The following ASIC4 variants were observed in gnomAD, a reference collection of about 807,000 sequenced individuals.
ASIC4 encodes acid sensing ion channel subunit family member 4.
ASIC4 carries 28 observed loss-of-function variants against 53.4 expected under a neutral mutation model. The observed-to-expected ratio is 0.52, with a 90% CI of 0.39 to 0.72. The LOEUF (loss-of-function observed/expected upper bound fraction) is 0.72, where lower values mean the gene tolerates loss of function less well. Ranked by LOEUF, ASIC4 falls within the 30% of genes least tolerant of loss-of-function variation. ASIC4 has a pLI of 0.00. For missense variants in ASIC4, 649 were observed against 729.7 expected, an observed-to-expected ratio of 0.89 and a Z score of 1.27; for synonymous variants, 289 against 301.4, an observed-to-expected ratio of 0.96 and a Z score of 0.43.
Position 219,532,121 on chromosome 2 carries a change from A to ACAC in ASIC4, c.848_849insCAC (p.Glu283delinsAspThr). ...TTCCAGACCTTTGTGTCCTGCCAGG[A>ACAC]ACAGCGGGTGAGCATCTCCTGCTAG... On this transcript the variant is annotated protein_altering_variant, in exon 3 of 10. Transcript: ENST00000358078. The ACAC allele has an allele frequency of 6.2e-7, 1 of 1,614,148 alleles. No individual in the cohort carries two copies.
At chr2:219,533,507 A>G in intron 5 of ASIC4, 1 of 164,706 alleles carries the variant, frequency 6.1e-6, no homozygotes, top group Non-Finnish European at 1.3e-5. Flanking sequence ...TGGAGAGGGG[A>G]GCCTCGGGTG....
chr2:219,510,846 C>G (rs539932825), upstream of ASIC4, among the ~76,000 whole-genome samples: 2 of 151,940 alleles, frequency 1.3e-5, no homozygotes, highest in African/African-American at 2.4e-5. The surrounding 1 kb of genome is among the most constrained non-coding windows in gnomAD (Gnocchi z 5.2). Context: ...TCCCCACCCC[C>G]CTTCTCTGGG....
chr2:219,534,919 C>CG (rs1695103014), intron 5 of ASIC4, among the ~76,000 whole-genome samples: 1 of 152,016 alleles, frequency 6.6e-6, no homozygotes. Flanking sequence ...CACGAGGACC[C>CG]CCCCCCAGTC....
intron 1 of ASIC4, among the ~76,000 whole-genome samples, chr2:219,520,914 C>T (rs1346358527): frequency 1.3e-5 from 2 of 152,194 alleles, no homozygotes; most frequent in African/African-American, 2.4e-5. Flanking sequence ...GTGTGAGGAG[C>T]CCAGCATGGC....
upstream of ASIC4, among the ~76,000 whole-genome samples, chr2:219,510,408 G>A (rs1050110952): frequency 3.3e-5 from 5 of 152,018 alleles, no homozygotes; most frequent in Non-Finnish European, 4.4e-5. The surrounding 1 kb of genome is among the most constrained non-coding windows in gnomAD (Gnocchi z 5.2). Flanking sequence ...GGCTGACACC[G>A]CCTCTGTACC....
intron 1 of ASIC4, among the ~76,000 whole-genome samples, chr2:219,519,373 G>A (rs1359078392): frequency 1.3e-5 from 2 of 152,156 alleles, no homozygotes; most frequent in Non-Finnish European, 2.9e-5. Flanking sequence ...ACTGGTTTCC[G>A]ACCCATGTGC....
At chr2:219,530,751 T>C (rs568803849) in intron 1 of ASIC4, among the ~76,000 whole-genome samples, 19 of 151,732 alleles carry the variant, frequency 1.3e-4, no homozygotes, top group Admixed American at 3.9e-4. Context: ...AGAAAAGGAG[T>C]CCAGGTGTCT....
At position 219,537,411 on chromosome 2, in the gene ASIC4, C is replaced by G. The variant is rs776995643; in HGVS notation, c.1401+90C>G. 1.4e-6 allele frequency: 2 copies of G among 1,445,606 alleles called. No individual in the cohort carries two copies. The highest frequency in any genetic ancestry group is 2.5e-5 in the South Asian group (2 of 81,588). The allele number at this position is 1,445,606 out of a possible 1,614,324, so 89.5% of individuals were successfully genotyped here. ...GGGGTGCCTGGTGGAGCTGGCCTGGCTGGAAAGTCAGGTTCAGGGTTCTCT... is the reference window on the plus strand; with the variant it reads ...GGGGTGCCTGGTGGAGCTGGCCTGGGTGGAAAGTCAGGTTCAGGGTTCTCT... On this transcript the variant is annotated intron_variant, in intron 8 of 9. Transcript: ENST00000358078. The surrounding 1 kb of genome is among the most constrained non-coding windows in gnomAD (Gnocchi z 4.9).
At position 219,538,056 on chromosome 2, in the gene ASIC4, G is replaced by A. The variant is rs375532072; in HGVS notation, c.*10G>A. ...AGATTTTGCTTGCTAGGACGGTGCT[G>A]TGACTGAAAGGACCCAGGAGTCTGG... On this transcript the variant is annotated 3_prime_UTR_variant, in exon 10 of 10. Transcript: ENST00000358078. 39 of 1,603,128 alleles carry A rather than the reference G, an allele frequency of 2.4e-5. No homozygotes were observed. The highest frequency in any genetic ancestry group is 3.2e-5 in the Non-Finnish European group (37 of 1,172,218).
intron 5 of ASIC4, among the ~76,000 whole-genome samples, chr2:219,534,610 A>C (rs992868680): frequency 1.3e-5 from 2 of 152,188 alleles, no homozygotes; most frequent in Non-Finnish European, 2.9e-5. Context: ...TAGTTGATGC[A>C]TTTGGGGGAG....
Position 219,537,339 on chromosome 2 carries a change from G to A in ASIC4, c.1401+18G>A, listed in dbSNP as rs1372515508. On this transcript the variant is annotated intron_variant, in intron 8 of 9. Coordinates refer to ENST00000358078, the MANE Select transcript of ASIC4 (RefSeq NM_018674.6). The surrounding 1 kb of genome is among the most constrained non-coding windows in gnomAD (Gnocchi z 4.9). ...TCTATGAGGCAAGGGCCCTGGAGAAGGCAGGGTGGGAGTGGGGGCCGTGGG... is the reference window on the plus strand; with the variant it reads ...TCTATGAGGCAAGGGCCCTGGAGAAAGCAGGGTGGGAGTGGGGGCCGTGGG... 1 of 1,608,488 alleles carries A rather than the reference G, an allele frequency of 6.2e-7. No homozygotes were observed. The highest frequency in any genetic ancestry group is 2.2e-5 in the East Asian group (1 of 44,674).
chr2:219,534,102 C>T (rs1367655052), intron 5 of ASIC4: 1 of 148,358 alleles, frequency 6.7e-6, no homozygotes, highest in Admixed American at 6.7e-5. Flanking sequence ...TGTGGCAAGG[C>T]AGGAATGCCA....
chr2:219,533,150 G>C (rs1051747513), intron 5 of ASIC4: 15 of 611,286 alleles, frequency 2.5e-5, no homozygotes, highest in Non-Finnish European at 3.5e-5. Flanking sequence ...GCAGCAGGGT[G>C]GGGGGTTGCA....
At chr2:219,524,935 A>C (rs900679197) in intron 1 of ASIC4, among the ~76,000 whole-genome samples, 3 of 152,210 alleles carry the variant, frequency 2.0e-5, no homozygotes, top group African/African-American at 7.2e-5. Context: ...CCCTCCCTTG[A>C]GCACCTGCCA....
rs1023789310 is a variant in ASIC4, at chr2:219,516,812, G to C, written c.582+1506G>C. On this transcript the variant is annotated intron_variant, in intron 1 of 9. Coordinates refer to ENST00000358078, the MANE Select transcript of ASIC4 (RefSeq NM_018674.6). The surrounding 1 kb of genome is among the most constrained non-coding windows in gnomAD (Gnocchi z 4.9). ...GGCAGGGGAGTTAGGTAGAAATAGA[G>C]GGACAGGAGCAGGAGCATTGTGCAG... 3.3e-5 allele frequency: 5 copies of C among 152,374 alleles called. No homozygotes were observed. Among genetic ancestry groups the C allele is most frequent in the African/African-American group, 1.2e-4 (5 of 41,464 alleles). The allele number at this position is 152,374 out of a possible 1,614,324, so 9.4% of individuals were successfully genotyped here.
chr2:219,537,843 C>T lies in ASIC4; in HGVS notation c.1507-90C>T. The T allele has an allele frequency of 2.2e-5, 33 of 1,492,408 alleles. No homozygotes were observed. Among genetic ancestry groups the T allele is most frequent in the Non-Finnish European group, 2.9e-5 (32 of 1,091,046 alleles). The allele number at this position is 1,492,408 out of a possible 1,614,324, so 92.4% of individuals were successfully genotyped here. On this transcript the variant is annotated intron_variant, in intron 9 of 9. Transcript: ENST00000358078. The surrounding 1 kb of genome is among the most constrained non-coding windows in gnomAD (Gnocchi z 4.9). Reference sequence around the variant, plus strand: ...GTGGAGGGGGCCCTGGAGCCTCTGCCCGAGGTGACAAGGAAAGGCTGGCGG... The same window carrying T: ...GTGGAGGGGGCCCTGGAGCCTCTGCTCGAGGTGACAAGGAAAGGCTGGCGG...
chr2:219,535,371 C>G lies in ASIC4; in HGVS notation c.1229+47C>G. ...GGGTGGCTGTGTGACTCTGTGTGTA[C>G]GTGTGTGTGGGGGGTGGCTGTGTGA... On this transcript the variant is annotated intron_variant, in intron 6 of 9. Transcript: ENST00000358078. 13 of 1,461,978 alleles carry G rather than the reference C, an allele frequency of 8.9e-6. No homozygotes were observed. The East Asian group carries it at 1.1e-4, about 12-fold the overall frequency. The allele number at this position is 1,461,978 out of a possible 1,614,324, so 90.6% of individuals were successfully genotyped here. A position where few individuals can be genotyped will look rare whatever the true frequency, so the allele number is the denominator to read the frequency against.
upstream of ASIC4, among the ~76,000 whole-genome samples, chr2:219,512,684 A>G (rs934961502): frequency 6.6e-6 from 1 of 152,186 alleles, no homozygotes; most frequent in Non-Finnish European, 1.5e-5. Context: ...TCCAATGCCA[A>G]TCCCACTTTC....
chr2:219,538,332 A>C lies in ASIC4; in HGVS notation c.*286A>C, dbSNP rs1432692825. Reference sequence around the variant, plus strand: ...GAGAGGGAGGGGGAGGATAGAGCCCATCCCAGCCGGGGAGGGGGAGCCCTC... The same window carrying C: ...GAGAGGGAGGGGGAGGATAGAGCCCCTCCCAGCCGGGGAGGGGGAGCCCTC... On this transcript the variant is annotated 3_prime_UTR_variant, in exon 10 of 10. Coordinates refer to ENST00000358078, the MANE Select transcript of ASIC4 (RefSeq NM_018674.6). The C allele has an allele frequency of 3.8e-6, 1 of 264,308 alleles. No individual in the cohort carries two copies. Among genetic ancestry groups the C allele is most frequent in the East Asian group, 1.1e-4 (1 of 8,850 alleles). 16.4% of individuals were successfully genotyped at this position (264,308 alleles called of 1,614,324 possible).
Sources: gnomAD v4.1 joint callset for allele counts (sites outside exome capture counted in the v4.1 genomes callset) on GRCh38, gnomAD v4.1.1 for gene constraint, Gnocchi (gnomAD v3.1) non-coding constraint, MANE v1.5 for transcripts, NCBI Gene and HGNC (gene_info 2026-07-23, HGNC 2026-07-21) for gene names.